The following INVS variants were observed in gnomAD, a reference collection of about 807,000 sequenced individuals.
The protein encoded by INVS is inversion of embryo turning homolog.
Under a neutral mutation model 108.8 loss-of-function variants are expected in INVS, and 86 were observed. The observed-to-expected ratio is 0.79, with a 90% CI of 0.66 to 0.95. The LOEUF (loss-of-function observed/expected upper bound fraction) is 0.95. INVS is among the 40% of genes least tolerant of loss of function. The pLI is 0.00. For missense variants in INVS, 1,169 were observed against 1,297.4 expected (o/e 0.90, Z 1.52); for synonymous variants, 455 against 473.5 (o/e 0.96, Z 0.51).
intron 3 of INVS, among the ~76,000 whole-genome samples, chr9:100,151,113 C>T (rs974168313): frequency 1.3e-5 from 2 of 152,168 alleles, no homozygotes; most frequent in African/African-American, 4.8e-5. Flanking sequence ...GAAGAGCATT[C>T]ATTCCAGGCA....
intron 1 of INVS, chr9:100,101,828 C>T (rs1827003739): frequency 6.6e-6 from 1 of 152,190 alleles, no homozygotes; most frequent in African/African-American, 2.4e-5. Context: ...TAGATAAGTA[C>T]ATATGCTTGA....
chr9:100,245,422 G>A (rs1171467897), intron 7 of INVS, among the ~76,000 whole-genome samples: 3 of 152,104 alleles, frequency 2.0e-5, no homozygotes, highest in Non-Finnish European at 2.9e-5. Context: ...TGGGACTACA[G>A]GCATGTGCCA....
Position 100,129,757 on chromosome 9 carries a change from T to C in INVS, c.273+3208T>C, listed in dbSNP as rs1184030678. The C allele has an allele frequency of 5.9e-6, 4 of 682,066 alleles. No individual in the cohort carries two copies. In the African/African-American group the frequency reaches 7.2e-5, roughly 12 times the overall value. 42.3% of individuals were successfully genotyped at this position (682,066 alleles called of 1,614,324 possible). ...AGAAACACGTAAAGTGAGTACCACA[T>C]TCATCCTGGCCTTTTCCTTTATGAC... is the stretch of plus-strand genomic sequence containing the variant. On this transcript the variant is annotated intron_variant, in intron 3 of 16. Transcript: ENST00000262457.
At chr9:100,177,343 TC>T (rs1387218023) in intron 3 of INVS, among the ~76,000 whole-genome samples, 2 of 152,122 alleles carry the variant, frequency 1.3e-5, no homozygotes, top group Non-Finnish European at 2.9e-5. Flanking sequence ...CAGATCCCAC[TC>T]CCACGGAGCC....
chr9:100,247,386 T>C (rs148469292), intron 8 of INVS, among the ~76,000 whole-genome samples: 5 of 152,320 alleles, frequency 3.3e-5, no homozygotes, highest in South Asian at 2.1e-4. Context: ...ACCTATGTGT[T>C]GGTTAATGAA....
chr9:100,126,065 A>G (rs1372255384), intron 2 of INVS, among the ~76,000 whole-genome samples: 12 of 152,186 alleles, frequency 7.9e-5, no homozygotes, highest in Admixed American at 7.9e-4. Flanking sequence ...ATTTGTTTCA[A>G]AAGACAAGAG....
intron 12 of INVS, among the ~76,000 whole-genome samples, chr9:100,277,879 T>C (rs1833156907): frequency 6.6e-6 from 1 of 152,170 alleles, no homozygotes; most frequent in Admixed American, 6.5e-5. Context: ...GAGGTAATAT[T>C]TTCCTCTCAC....
intron 3 of INVS, among the ~76,000 whole-genome samples, chr9:100,164,436 T>A (rs1054682515): frequency 7.9e-5 from 12 of 152,108 alleles, no homozygotes; most frequent in Admixed American, 2.0e-4. Context: ...TTTTTTAAAA[T>A]GTTTTCTTAA....
intron 8 of INVS, among the ~76,000 whole-genome samples, chr9:100,249,870 C>T (rs900135804): frequency 4.7e-5 from 7 of 149,350 alleles, no homozygotes; most frequent in African/African-American, 1.7e-4. Context: ...TTTGGGAGGC[C>T]GTGGCAGGTG....
chr9:100,279,882 A>G (rs1024936102), intron 12 of INVS, among the ~76,000 whole-genome samples: 9 of 152,202 alleles, frequency 5.9e-5, no homozygotes, highest in Non-Finnish European at 1.3e-4. Flanking sequence ...TGTGGGTCGC[A>G]GTATTTAGAA....
At chr9:100,172,430 CA>C (rs1291561526) in intron 3 of INVS, among the ~76,000 whole-genome samples, 2 of 152,108 alleles carry the variant, frequency 1.3e-5, no homozygotes, top group African/African-American at 4.8e-5. Flanking sequence ...ATACTTGGAT[CA>C]TTTTGTTTTC....
chr9:100,238,390 G>T (rs1831757994), intron 5 of INVS, among the ~76,000 whole-genome samples: 1 of 151,882 alleles, frequency 6.6e-6, no homozygotes, highest in Admixed American at 6.6e-5. Flanking sequence ...TTTACATTTT[G>T]CTCTTTGTTT....
Position 100,240,155 on chromosome 9 carries a change from T to C in INVS, c.711T>C (p.Val237=), listed in dbSNP as rs774920585. 2.5e-6 allele frequency: 4 copies of C among 1,614,108 alleles called. No homozygotes were observed. The highest frequency in any genetic ancestry group is 2.5e-6 in the Non-Finnish European group (3 of 1,179,932). Residue 237 remains valine, a synonymous_variant, in exon 6 of 17, where the codon GTT becomes GTC. Coordinates refer to ENST00000262457, the MANE Select transcript of INVS (RefSeq NM_014425.5). The part of the protein sequence containing the change: ...FAVADGNVTV[V]DVLTSYESCN... ...TTGCTGATGGGAATGTGACCGTGGT[T>C]GATGTCTTGACCTCATATGAAAGCT...
At chr9:100,161,377 A>AG (rs1554718609) in intron 3 of INVS, among the ~76,000 whole-genome samples, 3 of 100,848 alleles carry the variant, frequency 3.0e-5, no homozygotes, top group East Asian at 3.9e-4. Flanking sequence ...AAAAAAAAAA[A>AG]AAAAAAAAAA....
intron 2 of INVS, among the ~76,000 whole-genome samples, chr9:100,119,948 C>A (rs1054713035): frequency 1.3e-5 from 2 of 152,170 alleles, no homozygotes; most frequent in Non-Finnish European, 2.9e-5. Flanking sequence ...GAAAAAATAG[C>A]ATGTTGGAAT....
Position 100,170,463 on chromosome 9 carries a change from G to A in INVS, c.273+43914G>A, listed in dbSNP as rs537288751. ...CAGCTGTGGTCCCAGCTACTTGGGAGGCTGAGAGGGAGGATTGCTTGAGCC... is the reference window on the plus strand; with the variant it reads ...CAGCTGTGGTCCCAGCTACTTGGGAAGCTGAGAGGGAGGATTGCTTGAGCC... On this transcript the variant is annotated intron_variant, in intron 3 of 16. Transcript: ENST00000262457. Among the ~76,000 whole-genome samples the A allele has an allele frequency of 1.1e-3, 164 of 152,126 alleles. 1 individual carries two copies. Among genetic ancestry groups the A allele is most frequent in the Non-Finnish European group, 1.9e-3 (131 of 67,992 alleles).
intron 5 of INVS, among the ~76,000 whole-genome samples, chr9:100,231,585 C>A (rs1831516005): frequency 6.7e-6 from 1 of 149,362 alleles, no homozygotes; most frequent in Admixed American, 6.7e-5. Context: ...TCAACTCCCA[C>A]TTATGAGAAC....
At chr9:100,240,282 G>T (rs1170843480) in intron 6 of INVS, 42 bp downstream of exon 6, 2 of 1,474,582 alleles carry the variant, frequency 1.4e-6, no homozygotes, top group South Asian at 1.1e-5. Flanking sequence ...AACTTCATGA[G>T]TATAGGAATA....
chr9:100,255,352 A>T (rs1443091262), intron 10 of INVS, among the ~76,000 whole-genome samples: 8 of 152,238 alleles, frequency 5.3e-5, no homozygotes, highest in Non-Finnish European at 1.5e-5. Context: ...CAATCATGTC[A>T]TCCGCAAACA....
Sources: gnomAD v4.1 joint callset for allele counts (sites outside exome capture counted in the v4.1 genomes callset) on GRCh38, gnomAD v4.1.1 for gene constraint, MANE v1.5 for transcripts, NCBI Gene and HGNC (gene_info 2026-07-23, HGNC 2026-07-21) for gene names.